PDE5A: variants seen among roughly 807,000 people sequenced by gnomAD.
PDE5A encodes the protein cGMP-specific 3',5'-cyclic phosphodiesterase.
In PDE5A, 67 loss-of-function variants were observed where a neutral mutation model predicts 110.2. That is an observed-to-expected ratio of 0.61 (90% confidence interval 0.50 to 0.75). The LOEUF is 0.75. PDE5A is among the 30% of genes least tolerant of loss of function. PDE5A has a pLI of 0.00. For synonymous variants in PDE5A, 328 were observed against 351.2 expected (o/e 0.93, Z 0.74); for missense variants, 862 against 1,045.1 (o/e 0.82, Z 2.42).
intron 11 of PDE5A, among the ~76,000 whole-genome samples, chr4:119,536,889 C>T (rs1726743050): frequency 6.6e-6 from 1 of 152,122 alleles, no homozygotes; most frequent in African/African-American, 2.4e-5. Context: ...CCACAAATTC[C>T]CTCTTACAAA....
chr4:119,628,790 G>C lies in PDE5A; in HGVS notation c.-119C>G, dbSNP rs750145083. On this transcript the variant is annotated 5_prime_UTR_variant, in exon 1 of 21. Transcript: ENST00000354960. ...CCTCCCCCTTCGTCCTGCTCCAGTC[G>C]GGCCGGCTTTCGACAAAGCGGCCGG... 6.9e-6 allele frequency: 10 copies of C among 1,457,102 alleles called. No homozygotes were observed. Among genetic ancestry groups the C allele is most frequent in the South Asian group, 3.6e-5 (3 of 82,994 alleles). The allele number at this position is 1,457,102 out of a possible 1,614,324, so 90.3% of individuals were successfully genotyped here. A position where few individuals can be genotyped will look rare whatever the true frequency, so the allele number is the denominator to read the frequency against.
Position 119,553,718 on chromosome 4 carries a change from T to C in PDE5A, c.1228A>G (p.Met410Val), listed in dbSNP as rs749877256. The change falls in exon 8 of 21, where the codon ATG (methionine) becomes GTG (valine). Residue 410 changes from methionine to valine, a missense_variant. Coordinates refer to ENST00000354960, the MANE Select transcript of PDE5A (RefSeq NM_001083.4). ...GTATTTTTGACATACTGAGCATACA[T>C]GTAATTGATTTTGTTTGCATCATGT... ...REHDANKINY[M>V]YAQYVKNTME... 18 of 1,586,552 alleles carry C rather than the reference T, an allele frequency of 1.1e-5. No homozygotes were observed. Among genetic ancestry groups the C allele is most frequent in the African/African-American group, 2.7e-5 (2 of 74,420 alleles).
intron 3 of PDE5A, among the ~76,000 whole-genome samples, chr4:119,574,801 A>C (rs1728273029): frequency 2.0e-5 from 3 of 152,252 alleles, no homozygotes; most frequent in Admixed American, 1.3e-4. Context: ...ATCAAAAATA[A>C]GTAGATTCTT....
chr4:119,624,124 T>C (rs1730255767), intron 1 of PDE5A, among the ~76,000 whole-genome samples: 1 of 152,156 alleles, frequency 6.6e-6, no homozygotes, highest in Non-Finnish European at 1.5e-5. Context: ...AAAAAGGCCA[T>C]TATTGCACCA....
intron 14 of PDE5A, 76 bp downstream of exon 14, chr4:119,518,969 C>T (rs998169102): frequency 3.1e-6 from 3 of 962,544 alleles, no homozygotes; most frequent in East Asian, 2.5e-5. Context: ...TCAAATTTTG[C>T]TGTGGCTTTA....
chr4:119,552,208 C>T (rs997652996), intron 9 of PDE5A, among the ~76,000 whole-genome samples: 1 of 152,036 alleles, frequency 6.6e-6, no homozygotes, highest in Non-Finnish European at 1.5e-5. Flanking sequence ...ATAACCTAAA[C>T]TACATTCTTA....
chr4:119,614,287 C>T (rs1342260351), intron 1 of PDE5A, among the ~76,000 whole-genome samples: 1 of 152,064 alleles, frequency 6.6e-6, no homozygotes, highest in African/African-American at 2.4e-5. Flanking sequence ...AAAAAGTCAT[C>T]CCCAGAGTTG....
intron 11 of PDE5A, among the ~76,000 whole-genome samples, chr4:119,531,847 A>T (rs1312090619): frequency 2.0e-5 from 3 of 152,120 alleles, no homozygotes; most frequent in African/African-American, 4.8e-5. Flanking sequence ...AATAAGTCAC[A>T]TATTTGCCTG....
At chr4:119,580,531 A>G (rs1429078584) in intron 3 of PDE5A, among the ~76,000 whole-genome samples, 1 of 152,174 alleles carries the variant, frequency 6.6e-6, no homozygotes, top group Non-Finnish European at 1.5e-5. Context: ...ACATTCTCAT[A>G]AGGAGGAAAT....
At chr4:119,598,109 A>G (rs1316770347) in intron 2 of PDE5A, among the ~76,000 whole-genome samples, 1 of 152,172 alleles carries the variant, frequency 6.6e-6, no homozygotes, top group African/African-American at 2.4e-5. Flanking sequence ...TTACAAACCA[A>G]TAAGTAAAAC....
intron 20 of PDE5A, among the ~76,000 whole-genome samples, chr4:119,499,108 G>A (rs1322243961): frequency 1.3e-5 from 2 of 152,228 alleles, no homozygotes; most frequent in African/African-American, 4.8e-5. Context: ...CGTTTTTCTA[G>A]GGAATGGTTT....
intron 1 of PDE5A, among the ~76,000 whole-genome samples, chr4:119,622,864 G>GAAAAAAAAA (rs369291602): frequency 2.1e-5 from 2 of 97,268 alleles, no homozygotes; most frequent in Non-Finnish European, 1.9e-5. Context: ...ACTCCGTCTC[G>GAAAAAAAAA]AAAAAAAAAA....
chr4:119,577,815 C>T (rs976013632), intron 3 of PDE5A, among the ~76,000 whole-genome samples: 7 of 152,086 alleles, frequency 4.6e-5, no homozygotes, highest in East Asian at 3.8e-4. Context: ...CTATTCAACA[C>T]AGTGTTGGAA....
At chr4:119,578,534 C>A (rs1199276361) in intron 3 of PDE5A, among the ~76,000 whole-genome samples, 1 of 152,190 alleles carries the variant, frequency 6.6e-6, no homozygotes, top group East Asian at 1.9e-4. Flanking sequence ...AGTAATGCTG[C>A]ATATCTACAA....
rs1452630260 is a variant in PDE5A at position 119,627,400 on chromosome 4, G to A, written c.152+1120C>T. 1 of 692,156 alleles carries A rather than the reference G, an allele frequency of 1.4e-6. No homozygotes were observed. The highest frequency in any genetic ancestry group is 1.9e-5 in the African/African-American group (1 of 51,644). 42.9% of individuals were successfully genotyped at this position (692,156 alleles called of 1,614,324 possible). On this transcript the variant is annotated intron_variant, in intron 1 of 20. Coordinates refer to ENST00000354960, the MANE Select transcript of PDE5A (RefSeq NM_001083.4). The surrounding 1 kb of genome is among the most constrained non-coding windows in gnomAD (Gnocchi z 4.6). ...CAGAGCCGCGGCCGCGCGCCGGCGAGTGGGACCCGGGCGTCGAACCCGGGC... is the reference window on the plus strand; with the variant it reads ...CAGAGCCGCGGCCGCGCGCCGGCGAATGGGACCCGGGCGTCGAACCCGGGC...
chr4:119,500,036 A>G (rs1287869852), intron 20 of PDE5A: 1 of 152,074 alleles, frequency 6.6e-6, no homozygotes, highest in Non-Finnish European at 1.5e-5. Context: ...TGTTGACTGT[A>G]TTTACAGGGA....
chr4:119,569,500 G>T (rs949973454), intron 3 of PDE5A, among the ~76,000 whole-genome samples: 7 of 146,530 alleles, frequency 4.8e-5, no homozygotes, highest in African/African-American at 1.5e-4. Flanking sequence ...AATAAATAAA[G>T]AAATATTAAA....
At chr4:119,506,849 T>C (rs1333400058) in intron 16 of PDE5A, among the ~76,000 whole-genome samples, 1 of 151,904 alleles carries the variant, frequency 6.6e-6, no homozygotes, top group African/African-American at 2.4e-5. Context: ...TTTTTGTGTT[T>C]TTTCTATGTG....
chr4:119,580,067 C>G (rs1046722802), intron 3 of PDE5A, among the ~76,000 whole-genome samples: 2 of 152,128 alleles, frequency 1.3e-5, no homozygotes, highest in African/African-American at 4.8e-5. Flanking sequence ...CTCTGGGGGT[C>G]AGTAGCTGTC....
Sources: gnomAD v4.1 joint callset for allele counts (sites outside exome capture counted in the v4.1 genomes callset) on GRCh38, gnomAD v4.1.1 for gene constraint, Gnocchi (gnomAD v3.1) non-coding constraint, MANE v1.5 for transcripts, NCBI Gene and HGNC (gene_info 2026-07-23, HGNC 2026-07-21) for gene names.